Variants in SDC2 observed in about 807,000 individuals in gnomAD.
SDC2 encodes the protein syndecan 2.
In SDC2, 13 loss-of-function variants were observed where a neutral mutation model predicts 22.2. The ratio of observed to expected loss-of-function variants is 0.59; its 90% CI spans 0.38 to 0.93. The LOEUF is 0.93. Ranked by LOEUF, SDC2 falls within the 40% of genes least tolerant of loss-of-function variation. The probability of loss-of-function intolerance (pLI) is 0.00; values close to 1 mark genes in which losing one functional copy is unlikely to be tolerated. For missense variants in SDC2, 235 were observed against 246.8 expected (o/e 0.95, Z 0.32); for synonymous variants, 94 against 92.8 (o/e 1.01, Z -0.07).
At chr8:96,563,316 C>T (rs534593403) in intron 1 of SDC2, among the ~76,000 whole-genome samples, 8 of 152,218 alleles carry the variant, frequency 5.3e-5, no homozygotes, top group East Asian at 3.9e-4. Flanking sequence ...AGGGAGAGTG[C>T]GGGCTTCCTA....
intron 1 of SDC2, among the ~76,000 whole-genome samples, chr8:96,496,561 C>T (rs1490914772): frequency 6.6e-6 from 1 of 152,034 alleles, no homozygotes; most frequent in African/African-American, 2.4e-5. Flanking sequence ...TCATGTATAG[C>T]AGCAAAAATA....
chr8:96,584,410 C>G (rs1814646620), intron 1 of SDC2, among the ~76,000 whole-genome samples: 2 of 152,198 alleles, frequency 1.3e-5, no homozygotes, highest in East Asian at 1.9e-4. Flanking sequence ...GTTGAAAAAC[C>G]CTTAAAGTGA....
At chr8:96,591,249 G>A (rs1814776341) in intron 1 of SDC2, among the ~76,000 whole-genome samples, 1 of 152,162 alleles carries the variant, frequency 6.6e-6, no homozygotes, top group African/African-American at 2.4e-5. Context: ...GTTAAGAAAA[G>A]GGAAACAAGA....
chr8:96,605,444 A>G (rs1815061296), intron 3 of SDC2, among the ~76,000 whole-genome samples: 1 of 152,212 alleles, frequency 6.6e-6, no homozygotes, highest in African/African-American at 2.4e-5. Flanking sequence ...CAGCCAATTA[A>G]TGATGGGCTT....
intron 1 of SDC2, among the ~76,000 whole-genome samples, chr8:96,539,360 T>C (rs182365886): frequency 6.6e-6 from 1 of 152,370 alleles, no homozygotes; most frequent in Admixed American, 6.5e-5. Context: ...CTTACTGATC[T>C]TCTCGACTAG....
At position 96,494,222 on chromosome 8, in the gene SDC2, T is replaced by G. The variant is rs2130403483; in HGVS notation, c.-50T>G. 1 of 1,530,930 alleles carries G rather than the reference T, an allele frequency of 6.5e-7. No individual in the cohort carries two copies. Among genetic ancestry groups the G allele is most frequent in the Non-Finnish European group, 8.8e-7 (1 of 1,139,180 alleles). The allele number at this position is 1,530,930 out of a possible 1,614,324, so 94.8% of individuals were successfully genotyped here. The stretch of plus-strand genomic sequence containing the variant: ...GCCGAGCGCTGGGCAGGAGGCTTCG[T>G]TTTGCCCTGGTTGCAAGCAGCGGCT... On this transcript the variant is annotated 5_prime_UTR_variant, in exon 1 of 5. Coordinates refer to ENST00000302190, the MANE Select transcript of SDC2 (RefSeq NM_002998.4).
intron 1 of SDC2, among the ~76,000 whole-genome samples, chr8:96,540,340 GTA>G (rs1554601718): frequency 1.1e-4 from 13 of 123,672 alleles, no homozygotes; most frequent in Non-Finnish European, 1.7e-4. Context: ...ATATATATGT[GTA>G]TATATATATA....
chr8:96,544,825 C>T (rs1813906413), intron 1 of SDC2, among the ~76,000 whole-genome samples: 1 of 152,104 alleles, frequency 6.6e-6, no homozygotes, highest in South Asian at 2.1e-4. Flanking sequence ...TTACAGAGAA[C>T]CTTATATTGG....
chr8:96,601,363 C>A (rs1034760140), intron 2 of SDC2, among the ~76,000 whole-genome samples: 1 of 152,058 alleles, frequency 6.6e-6, no homozygotes, highest in African/African-American at 2.4e-5. Flanking sequence ...AGGAGAGGGC[C>A]AGGCACGGTG....
intron 1 of SDC2, among the ~76,000 whole-genome samples, chr8:96,590,992 C>T (rs1586318752): frequency 1.3e-5 from 2 of 152,228 alleles, no homozygotes; most frequent in East Asian, 1.9e-4. Context: ...ACAGGCCTGA[C>T]GGCTGTCCCA....
chr8:96,503,477 A>ATATAC (rs1304426366), intron 1 of SDC2, among the ~76,000 whole-genome samples: 33 of 152,240 alleles, frequency 2.2e-4, no homozygotes, highest in African/African-American at 8.0e-4. Flanking sequence ...GTGTGTGTAT[A>ATATAC]AAGATAATGT....
intron 1 of SDC2, among the ~76,000 whole-genome samples, chr8:96,504,819 A>G (rs983043847): frequency 3.3e-5 from 5 of 152,194 alleles, no homozygotes; most frequent in African/African-American, 1.2e-4. Flanking sequence ...TGTGTGAGCA[A>G]CAAGGCTGTT....
chr8:96,581,960 T>A (rs1299313614), intron 1 of SDC2, among the ~76,000 whole-genome samples: 1 of 152,206 alleles, frequency 6.6e-6, no homozygotes, highest in Non-Finnish European at 1.5e-5. Flanking sequence ...TGCGTTTGCT[T>A]TGAGATGGCA....
intron 1 of SDC2, among the ~76,000 whole-genome samples, chr8:96,586,996 C>T (rs1396677080): frequency 6.6e-6 from 1 of 152,150 alleles, no homozygotes; most frequent in African/African-American, 2.4e-5. Context: ...AATCTCGGCT[C>T]ACTGCAACCT....
chr8:96,563,317 G>A (rs1018061769), intron 1 of SDC2, among the ~76,000 whole-genome samples: 4 of 152,078 alleles, frequency 2.6e-5, no homozygotes, highest in African/African-American at 4.8e-5. Context: ...GGGAGAGTGC[G>A]GGCTTCCTAG....
At chr8:96,499,716 G>A (rs536801194) in intron 1 of SDC2, among the ~76,000 whole-genome samples, 2 of 152,016 alleles carry the variant, frequency 1.3e-5, no homozygotes, top group South Asian at 2.1e-4. Context: ...TGGTGCTTGA[G>A]GCACGGAAGA....
chr8:96,608,542 A>G, intron 4 of SDC2, 72 bp downstream of exon 4: 1 of 1,330,018 alleles, frequency 7.5e-7, no homozygotes, highest in Non-Finnish European at 1.0e-6. Context: ...GATATTCAAA[A>G]GTGCAGCAAA....
At position 96,494,165 on chromosome 8, in the gene SDC2, T is replaced by G; in HGVS notation, c.-107T>G. On this transcript the variant is annotated 5_prime_UTR_variant, in exon 1 of 5. Transcript: ENST00000302190. ...CGAGCCTGAGCCGCAATCGCTGCGGTACTCTGCTCCGGATTCGTGTGCGCG... is the reference window on the plus strand; with the variant it reads ...CGAGCCTGAGCCGCAATCGCTGCGGGACTCTGCTCCGGATTCGTGTGCGCG... 1 of 1,194,384 alleles carries G rather than the reference T, an allele frequency of 8.4e-7. No individual in the cohort carries two copies. Among genetic ancestry groups the G allele is most frequent in the Admixed American group, 2.3e-5 (1 of 43,470 alleles). 74.0% of individuals were successfully genotyped at this position (1,194,384 alleles called of 1,614,324 possible).
chr8:96,593,544 G>A lies in SDC2; in HGVS notation c.125G>A (p.Gly42Glu), dbSNP rs1814820830. Residue 42 changes from glycine (G) to glutamate (E), a missense_variant, in exon 2 of 5, where the codon GGA becomes GAA. Transcript: ENST00000302190. ...AACAGCTCCATTGAAGAAGCTTCAG[G>A]AGTGTATCCTATTGATGACGATGAC... ...LDNSSIEEAS[G>E]VYPIDDDDYA... is the part of the protein sequence containing the mutation. 1 of 1,614,118 alleles carries A rather than the reference G, an allele frequency of 6.2e-7. No homozygotes were observed. Among genetic ancestry groups the A allele is most frequent in the Middle Eastern group, 1.7e-4 (1 of 6,052 alleles).
Sources: allele counts gnomAD v4.1 joint callset (sites outside exome capture counted in the v4.1 genomes callset), GRCh38; gene constraint gnomAD v4.1.1; transcripts MANE v1.5; gene names NCBI Gene and HGNC (gene_info 2026-07-23, HGNC 2026-07-21).